Variants in GAS6 observed in about 807,000 individuals in gnomAD.
GAS6 encodes the protein growth arrest specific 6.
GAS6 carries 41 observed loss-of-function variants against 75.8 expected under a neutral mutation model. The observed-to-expected ratio is 0.54, with a 90% CI of 0.42 to 0.70. The LOEUF (loss-of-function observed/expected upper bound fraction) is 0.70, where lower values mean the gene tolerates loss of function less well. Ranked by LOEUF, GAS6 falls within the 30% of genes least tolerant of loss-of-function variation. The pLI is 0.00. For synonymous variants in GAS6, 432 were observed against 412.6 expected (o/e 1.05, Z -0.57); for missense variants, 854 against 940.2 (o/e 0.91, Z 1.20).
intron 10 of GAS6, among the ~76,000 whole-genome samples, chr13:113,830,671 C>A (rs12854267): frequency 2.2e-5 from 2 of 90,814 alleles, no homozygotes; most frequent in Admixed American, 2.1e-4. Context: ...CTCCCCCAGG[C>A]GACCTCGCCT....
chr13:113,824,416 A>AGCTGTCGGGAGCATG (rs1566352870), intron 12 of GAS6, among the ~76,000 whole-genome samples: 8 of 78,010 alleles, frequency 1.0e-4, no homozygotes, highest in Admixed American at 1.6e-4. Flanking sequence ...TCAGGAGCAC[A>AGCTGTCGGGAGCATG]TGCGGTCTGG....
intron 12 of GAS6, among the ~76,000 whole-genome samples, 190 bp downstream of exon 12, chr13:113,826,806 C>G (rs1251763811): frequency 6.6e-6 from 1 of 152,240 alleles, no homozygotes; most frequent in Admixed American, 6.5e-5. Flanking sequence ...ACTGAGTGAC[C>G]TGCATGGCCA....
chr13:113,824,077 G>A (rs930771594), intron 12 of GAS6, among the ~76,000 whole-genome samples: 2,236 of 115,346 alleles, frequency 0.019, 28 homozygotes, highest in African/African-American at 0.088. Flanking sequence ...GCGGTCTGGG[G>A]TCTGAGCTGT....
intron 11 of GAS6, among the ~76,000 whole-genome samples, chr13:113,828,024 C>T (rs1442893112): frequency 6.6e-6 from 1 of 152,122 alleles, no homozygotes; most frequent in Non-Finnish European, 1.5e-5. Context: ...GCCTGTAATC[C>T]CAGCACTTTG....
chr13:113,859,661 T>C (rs2051955530), intron 2 of GAS6, among the ~76,000 whole-genome samples: 1 of 152,174 alleles, frequency 6.6e-6, no homozygotes, highest in Admixed American at 6.5e-5. Context: ...TGTACATGTG[T>C]GCATGTGTCT....
At chr13:113,829,625 G>C (rs2051604071) in intron 10 of GAS6, among the ~76,000 whole-genome samples, 1 of 150,472 alleles carries the variant, frequency 6.6e-6, no homozygotes, top group African/African-American at 2.5e-5. Flanking sequence ...ATCCTCACCT[G>C]AGCCATGAGG....
chr13:113,860,134 G>A (rs1002692196), intron 2 of GAS6, among the ~76,000 whole-genome samples: 1 of 152,210 alleles, frequency 6.6e-6, no homozygotes, highest in South Asian at 2.1e-4. Flanking sequence ...GAGAGAGACT[G>A]GGACAGAGAG....
chr13:113,859,620 G>A (rs1183446316), intron 2 of GAS6, among the ~76,000 whole-genome samples: 3 of 150,386 alleles, frequency 2.0e-5, no homozygotes, highest in Non-Finnish European at 4.4e-5. Flanking sequence ...GCCTGTGTGT[G>A]TGCATGTATA....
chr13:113,834,564 A>G lies in GAS6; in HGVS notation c.821T>C (p.Met274Thr). 1.3e-6 allele frequency: 2 copies of G among 1,592,434 alleles called. No individual in the cohort carries two copies. The highest frequency in any genetic ancestry group is 1.7e-6 in the Non-Finnish European group (2 of 1,171,090). Reference protein sequence around the residue: ...GRGGLKLSQDMDTCEDILPCV... With the variant: ...GRGGLKLSQDTDTCEDILPCV... ...GGGGCCGCCTACCTCACAGGTGTCC[A>G]TGTCCTGGGACAGCTTGAGGCCCCC... is the stretch of plus-strand genomic sequence containing the variant. Residue 274 changes from methionine to threonine, a missense_variant, in exon 8 of 15, where the codon ATG (methionine) becomes ACG (threonine). Physicochemically the swap from Met to Thr is moderately conservative, Grantham distance 81. Transcript: ENST00000327773.
At chr13:113,825,234 C>CAAAA (rs71105207) in intron 12 of GAS6, among the ~76,000 whole-genome samples, 783 of 58,170 alleles carry the variant, frequency 0.013, 34 homozygotes, top group African/African-American at 0.042. Flanking sequence ...AACTCCGTCT[C>CAAAA]AAAAAAAAAA....
intron 13 of GAS6, 24 bp downstream of exon 13, chr13:113,823,351 C>T (rs375230851): frequency 8.2e-5 from 131 of 1,593,804 alleles, no homozygotes; most frequent in Non-Finnish European, 1.0e-4. Context: ...CCGGTCAGGA[C>T]GCCCTGGGTG....
In GAS6 at chr13:113,845,979, T is replaced by C. The variant is rs148486428; in HGVS notation, c.343+548A>G. Among the ~76,000 whole-genome samples the C allele has an allele frequency of 2.8e-3, 423 of 152,306 alleles. 2 individuals are homozygous for C. The highest frequency in any genetic ancestry group is 9.4e-3 in the African/African-American group (392 of 41,562). ...AGACGTGTGGGAGGCAACAGGTGCA[T>C]GAGGATGTCACGCCAGTTTTGTTTA... On this transcript the variant is annotated intron_variant, in intron 4 of 14. Transcript: ENST00000327773. This position sits in a 1 kb window ranked among gnomAD's most constrained non-coding sequence, Gnocchi z 4.3.
intron 2 of GAS6, among the ~76,000 whole-genome samples, chr13:113,854,401 G>A (rs1394700429): frequency 2.0e-5 from 3 of 152,226 alleles, no homozygotes; most frequent in South Asian, 2.1e-4. Flanking sequence ...CGGCGGTAAC[G>A]CCGAGACTCG....
intron 3 of GAS6, chr13:113,846,893 A>C (rs543060526): frequency 4.1e-6 from 2 of 489,166 alleles, no homozygotes; most frequent in South Asian, 3.7e-5. Flanking sequence ...AATGCTCAGT[A>C]AGTTCCTGAC....
intron 13 of GAS6, chr13:113,822,789 C>T (rs2051478126): frequency 6.5e-6 from 1 of 153,486 alleles, no homozygotes; most frequent in South Asian, 2.1e-4. Flanking sequence ...TGACCCATGT[C>T]TCCCTCCTTA....
intron 14 of GAS6, chr13:113,821,742 GT>G (rs1489037386): frequency 1.9e-5 from 10 of 530,250 alleles, no homozygotes; most frequent in Non-Finnish European, 3.0e-5. Context: ...GCCGGCCCCC[GT>G]ACGTGTTTCT....
intron 12 of GAS6, 33 bp from the exon 13 acceptor site, chr13:113,823,583 T>C (rs1409238028): frequency 6.3e-7 from 1 of 1,578,158 alleles, no homozygotes; most frequent in Non-Finnish European, 8.6e-7. Context: ...TAGGGTGGTA[T>C]GCACGGTGGA....
intron 2 of GAS6, among the ~76,000 whole-genome samples, chr13:113,853,639 T>C (rs2051892729): frequency 6.6e-6 from 1 of 152,250 alleles, no homozygotes; most frequent in Non-Finnish European, 1.5e-5. Flanking sequence ...ATCAACACCA[T>C]AACTTTCTCT....
At position 113,845,697 on chromosome 13, in the gene GAS6, G is replaced by C. The variant is rs1430009676; in HGVS notation, c.343+830C>G. The C allele has an allele frequency of 7.0e-6, 1 of 142,136 alleles. No homozygotes were observed. The highest frequency in any genetic ancestry group is 2.6e-5 in the African/African-American group (1 of 38,582). The allele number at this position is 142,136 out of a possible 1,614,324, so 8.8% of individuals were successfully genotyped here. A position where few individuals can be genotyped will look rare whatever the true frequency, so the allele number is the denominator to read the frequency against. On this transcript the variant is annotated intron_variant, in intron 4 of 14. Coordinates refer to ENST00000327773, the MANE Select transcript of GAS6 (RefSeq NM_000820.4). This position sits in a 1 kb window ranked among gnomAD's most constrained non-coding sequence, Gnocchi z 4.3. The stretch of plus-strand genomic sequence containing the variant: ...ATATAAACAACAGTTTATAGGAAAA[G>C]AAATACACAGTTTTTAAACCTATGA...
Sources: allele counts gnomAD v4.1 joint callset (sites outside exome capture counted in the v4.1 genomes callset), GRCh38; gene constraint gnomAD v4.1.1; non-coding constraint Gnocchi (gnomAD v3.1); transcripts MANE v1.5; gene names NCBI Gene and HGNC (gene_info 2026-07-23, HGNC 2026-07-21).